EIF3E: variants seen among roughly 807,000 people sequenced by gnomAD.
EIF3E encodes the protein eIF-3 p48.
Under a neutral mutation model 59.3 loss-of-function variants are expected in EIF3E, and 25 were observed. The ratio of observed to expected loss-of-function variants is 0.42; its 90% CI spans 0.31 to 0.59. EIF3E has a LOEUF of 0.59. EIF3E is among the 20% of genes least tolerant of loss of function. EIF3E has a pLI of 0.15. For synonymous variants in EIF3E, 176 were observed against 170.2 expected, an observed-to-expected ratio of 1.03 and a Z score of -0.26; for missense variants, 317 against 534.3, an observed-to-expected ratio of 0.59 and a Z score of 4.01.
intron 2 of EIF3E, among the ~76,000 whole-genome samples, chr8:108,241,206 T>G (rs982767857): frequency 1.3e-5 from 2 of 152,200 alleles, no homozygotes; most frequent in African/African-American, 4.8e-5. Flanking sequence ...CACAGTATAC[T>G]GTATTTCTCT....
chr8:108,246,010 C>T (rs368294402), intron 1 of EIF3E, among the ~76,000 whole-genome samples: 22 of 152,192 alleles, frequency 1.4e-4, no homozygotes, highest in South Asian at 1.2e-3. Flanking sequence ...CCTATACATG[C>T]ATACCTATGA....
intron 10 of EIF3E, among the ~76,000 whole-genome samples, chr8:108,209,202 C>T (rs532713021): frequency 6.6e-6 from 1 of 152,134 alleles, no homozygotes; most frequent in East Asian, 1.9e-4. Flanking sequence ...CCTTTCCCTT[C>T]CCCCTCAAAA....
chr8:108,244,258 T>C (rs370273549), intron 1 of EIF3E, among the ~76,000 whole-genome samples: 2 of 152,324 alleles, frequency 1.3e-5, no homozygotes, highest in East Asian at 3.9e-4. Context: ...TAATTGCTAA[T>C]GTTTGCAAAT....
intron 7 of EIF3E, among the ~76,000 whole-genome samples, chr8:108,220,179 A>C (rs1815383935): frequency 6.6e-6 from 1 of 152,114 alleles, no homozygotes; most frequent in Non-Finnish European, 1.5e-5. Flanking sequence ...AAAAACATGC[A>C]CAGGCACTAG....
intron 2 of EIF3E, among the ~76,000 whole-genome samples, chr8:108,240,724 G>A (rs1290541235): frequency 1.3e-5 from 2 of 152,240 alleles, no homozygotes; most frequent in African/African-American, 4.8e-5. Context: ...GCGCACGCCT[G>A]TAACCCCAGC....
rs570545070 is a variant in EIF3E at position 108,224,027 on chromosome 8, C to G, written c.722+4240G>C. Among the ~76,000 whole-genome samples the G allele has an allele frequency of 1.3e-3, 199 of 150,668 alleles. 11 individuals are homozygous for G. The highest frequency in any genetic ancestry group is 4.6e-3 in the African/African-American group (184 of 40,284). ...GGTCAGGAGATAGAGACCATCCTGG[C>G]TAACACGGTGAAACCCAATCTCTAC... On this transcript the variant is annotated intron_variant, in intron 7 of 12. Transcript: ENST00000220849.
intron 10 of EIF3E, among the ~76,000 whole-genome samples, chr8:108,207,367 A>G (rs999391988): frequency 6.6e-6 from 1 of 152,200 alleles, no homozygotes; most frequent in Non-Finnish European, 1.5e-5. Context: ...ATATTAAAAT[A>G]AAAGTGTAAT....
Position 108,234,712 on chromosome 8 carries a change from A to G in EIF3E, c.471+286T>C, listed in dbSNP as rs565508699. On this transcript the variant is annotated intron_variant, in intron 5 of 12. Coordinates refer to ENST00000220849, the MANE Select transcript of EIF3E (RefSeq NM_001568.3). The stretch of plus-strand genomic sequence containing the variant: ...GTGCTGTATAATATTATAATAATAA[A>G]TCCATTACATGATACGATTCTGTTA... 1.1e-4 allele frequency: 23 copies of G among 209,028 alleles called. No individual in the cohort carries two copies. The East Asian group carries it at 2.3e-3, about 21-fold the overall frequency. The allele number at this position is 209,028 out of a possible 1,614,324, so 12.9% of individuals were successfully genotyped here.
Position 108,211,457 on chromosome 8 carries a change from A to G in EIF3E, c.1061+3150T>C, listed in dbSNP as rs564582064. 3.3e-5 allele frequency among the ~76,000 whole-genome samples: 5 copies of G among 151,892 alleles called. No individual in the cohort carries two copies. The South Asian group carries it at 1.0e-3, about 32-fold the overall frequency. ...TTTGATGGGGTTGTTTTTTTCTTGT[A>G]AATTTGTTTAGGTACTTTGTAGATT... On this transcript the variant is annotated intron_variant, in intron 10 of 12. Coordinates refer to ENST00000220849, the MANE Select transcript of EIF3E (RefSeq NM_001568.3).
chr8:108,206,429 C>T (rs139509598), intron 10 of EIF3E, among the ~76,000 whole-genome samples: 49 of 152,222 alleles, frequency 3.2e-4, no homozygotes, highest in Non-Finnish European at 6.9e-4. Flanking sequence ...GAACAGCTTA[C>T]CTAAGGAAAT....
Position 108,214,631 on chromosome 8 carries a change from C to T in EIF3E, c.1037G>A (p.Arg346His), listed in dbSNP as rs773346324. 4 of 1,608,044 alleles carry T rather than the reference C, an allele frequency of 2.5e-6. No homozygotes were observed. The highest frequency in any genetic ancestry group is 1.1e-5 in the South Asian group (1 of 89,682). The change falls in exon 10 of 13, where the codon CGC becomes CAC. Residue 346 changes from arginine (R) to histidine (H), a missense_variant. Transcript: ENST00000220849. ...ARLFIFETFCRIHQCISINML... is the reference protein window; with the variant it reads ...ARLFIFETFCHIHQCISINML... Reference sequence around the variant, plus strand: ...CTTAATGCTGATACACTGGTGGATGCGACAGAAAGTCTCAAATATGAAGAG... The same window carrying T: ...CTTAATGCTGATACACTGGTGGATGTGACAGAAAGTCTCAAATATGAAGAG...
chr8:108,236,064 A>T, intron 4 of EIF3E, 97 bp downstream of exon 4: 1 of 891,030 alleles, frequency 1.1e-6, no homozygotes, highest in Non-Finnish European at 1.6e-6. Context: ...TCTGGAAATT[A>T]TATTCTTAGG....
chr8:108,234,980 A>AC lies in EIF3E; in HGVS notation c.471+17dup, dbSNP rs765469107. ...AAAGACAAAAAAAAAAAAAAAAAAA[A>AC]CATGTACTTATACTTACCAGCACTC... On this transcript the variant is annotated intron_variant, in intron 5 of 12. Transcript: ENST00000220849. The AC allele has an allele frequency of 3.6e-6, 4 of 1,119,860 alleles. No homozygotes were observed. Among genetic ancestry groups the AC allele is most frequent in the Non-Finnish European group, 5.1e-6 (4 of 791,812 alleles). The allele number at this position is 1,119,860 out of a possible 1,614,324, so 69.4% of individuals were successfully genotyped here.
At chr8:108,213,372 T>C (rs548931807) in intron 10 of EIF3E, among the ~76,000 whole-genome samples, 4 of 152,216 alleles carry the variant, frequency 2.6e-5, no homozygotes, top group African/African-American at 9.6e-5. Context: ...ACTCACACTA[T>C]ACTGTACAAA....
In EIF3E at chr8:108,242,428, G is replaced by C. The variant is rs567137333; in HGVS notation, c.91-515C>G. 1.1e-5 allele frequency: 14 copies of C among 1,289,130 alleles called. No homozygotes were observed. In the South Asian group the frequency reaches 1.7e-4, roughly 16 times the overall value. The allele number at this position is 1,289,130 out of a possible 1,614,324, so 79.9% of individuals were successfully genotyped here. On this transcript the variant is annotated intron_variant, in intron 1 of 12. Coordinates refer to ENST00000220849, the MANE Select transcript of EIF3E (RefSeq NM_001568.3). The stretch of plus-strand genomic sequence containing the variant: ...CCAAAAAAGCATAATTTAACCTATA[G>C]TACAGGGAGCAAATAGATACATATA...
chr8:108,241,652 A>G (rs1387633739), intron 2 of EIF3E, 147 bp downstream of exon 2: 1 of 442,858 alleles, frequency 2.3e-6, no homozygotes, highest in Non-Finnish European at 4.0e-6. Flanking sequence ...GAAGATATGA[A>G]ACCTTTATAT....
rs558602250 is a variant in EIF3E at position 108,247,953 on chromosome 8, C to T, written c.90+660G>A. 1.3e-4 allele frequency among the ~76,000 whole-genome samples: 18 copies of T among 133,874 alleles called. No homozygotes were observed. The South Asian group carries it at 4.1e-3, about 30-fold the overall frequency. 87.8% of individuals were successfully genotyped at this position (133,874 alleles called of 152,430 possible). On this transcript the variant is annotated intron_variant, in intron 1 of 12. Transcript: ENST00000220849. ...GAGTAGATAATTGAATATTAACGAC[C>T]AATTCAAACCACATGAAGTCAGTAC...
At chr8:108,243,772 T>C (rs560405411) in intron 1 of EIF3E, among the ~76,000 whole-genome samples, 5 of 152,242 alleles carry the variant, frequency 3.3e-5, no homozygotes, top group African/African-American at 9.6e-5. Flanking sequence ...ATTTGTGTAC[T>C]TGTATGAATG....
At chr8:108,206,856 CCTCT>C (rs1277066713) in intron 10 of EIF3E, among the ~76,000 whole-genome samples, 1 of 152,034 alleles carries the variant, frequency 6.6e-6, no homozygotes, top group East Asian at 1.9e-4. Context: ...ATTCTCTATC[CCTCT>C]CTCTTTCTTT....
Sources: gnomAD v4.1 joint callset for allele counts (sites outside exome capture counted in the v4.1 genomes callset) on GRCh38, gnomAD v4.1.1 for gene constraint, MANE v1.5 for transcripts, NCBI Gene and HGNC (gene_info 2026-07-23, HGNC 2026-07-21) for gene names.